Variants in CLSTN2 observed in about 807,000 individuals in gnomAD.
The protein encoded by CLSTN2 is calsyntenin-2.
A neutral mutation model predicts 101.2 loss-of-function variants in CLSTN2; 48 were observed. The ratio of observed to expected loss-of-function variants is 0.47; its 90% CI spans 0.38 to 0.60. The LOEUF (loss-of-function observed/expected upper bound fraction) is 0.60. CLSTN2 is among the 20% of genes least tolerant of loss of function. The probability of loss-of-function intolerance (pLI) is 0.00; values close to 1 mark genes in which losing one functional copy is unlikely to be tolerated. For missense variants in CLSTN2, 1,160 were observed against 1,238.2 expected (o/e 0.94, Z 0.95); for synonymous variants, 481 against 463.6 (o/e 1.04, Z -0.48).
intron 1 of CLSTN2, among the ~76,000 whole-genome samples, chr3:140,005,075 A>C (rs1013478205): frequency 1.4e-4 from 21 of 152,276 alleles, no homozygotes; most frequent in Middle Eastern, 3.4e-3. Flanking sequence ...TCTTACACCC[A>C]CTAGAGAATG....
intron 8 of CLSTN2, among the ~76,000 whole-genome samples, chr3:140,502,409 T>C (rs1332685811): frequency 6.6e-6 from 1 of 152,164 alleles, no homozygotes; most frequent in African/African-American, 2.4e-5. Context: ...CAATCAGGAA[T>C]TGAGCCCTTA....
intron 1 of CLSTN2, among the ~76,000 whole-genome samples, chr3:140,081,539 C>T (rs1012482557): frequency 6.6e-6 from 1 of 152,132 alleles, no homozygotes; most frequent in East Asian, 1.9e-4. Context: ...GAGGAAATTG[C>T]TCAGTTTCTG....
At chr3:140,287,326 A>G (rs1414111034) in intron 2 of CLSTN2, among the ~76,000 whole-genome samples, 1 of 152,222 alleles carries the variant, frequency 6.6e-6, no homozygotes, top group Non-Finnish European at 1.5e-5. Flanking sequence ...TAGAAAATGC[A>G]AACTTATCTC....
At chr3:140,483,652 G>T (rs1210069031) in intron 8 of CLSTN2, among the ~76,000 whole-genome samples, 1 of 152,068 alleles carries the variant, frequency 6.6e-6, no homozygotes, top group Non-Finnish European at 1.5e-5. Flanking sequence ...ATATATTTAG[G>T]ATAGTTAGCT....
intron 8 of CLSTN2, among the ~76,000 whole-genome samples, chr3:140,532,104 A>T (rs537716410): frequency 6.6e-6 from 1 of 152,228 alleles, no homozygotes; most frequent in South Asian, 2.1e-4. Context: ...TATCTGCCTG[A>T]TATCGGATTC....
chr3:139,939,124 A>C (rs1935080368), intron 1 of CLSTN2, among the ~76,000 whole-genome samples: 1 of 152,154 alleles, frequency 6.6e-6, no homozygotes, highest in African/African-American at 2.4e-5. Flanking sequence ...GCAGAGACAA[A>C]GTTTACAAAA....
intron 2 of CLSTN2, among the ~76,000 whole-genome samples, chr3:140,213,060 T>C (rs2010877721): frequency 2.6e-5 from 4 of 152,222 alleles, no homozygotes; most frequent in South Asian, 2.1e-4. Context: ...AATAACTTCA[T>C]AGCCATTAGC....
intron 1 of CLSTN2, among the ~76,000 whole-genome samples, chr3:139,943,516 C>G (rs1183440334): frequency 6.6e-6 from 1 of 152,210 alleles, no homozygotes; most frequent in African/African-American, 2.4e-5. Flanking sequence ...ATTTCCCTCC[C>G]TCACAGGTTA....
At chr3:140,046,656 T>C (rs889007520) in intron 1 of CLSTN2, among the ~76,000 whole-genome samples, 3 of 152,208 alleles carry the variant, frequency 2.0e-5, no homozygotes, top group Admixed American at 6.5e-5. Flanking sequence ...TGGTACCGGT[T>C]GTTCCTTTCC....
Position 140,253,763 on chromosome 3 carries a change from G to C in CLSTN2, c.232+77690G>C, listed in dbSNP as rs73870716. ...AGACAGGAACCCACCAAAGGGTTTC[G>C]GTCTTTTTTATTTTTTTTTTCTCTT... On this transcript the variant is annotated intron_variant, in intron 2 of 16. Coordinates refer to ENST00000458420, the MANE Select transcript of CLSTN2 (RefSeq NM_022131.3). Among the ~76,000 whole-genome samples, 4 of 152,096 alleles carry C rather than the reference G, an allele frequency of 2.6e-5. No individual in the cohort carries two copies. The East Asian group carries it at 5.8e-4, about 22-fold the overall frequency.
intron 2 of CLSTN2, among the ~76,000 whole-genome samples, chr3:140,210,782 TTATAGAAACC>T (rs1343001565): frequency 6.6e-6 from 1 of 151,216 alleles, no homozygotes; most frequent in Non-Finnish European, 1.5e-5. Flanking sequence ...AGGAGGGTCA[TTATAGAAACC>T]TACAGAATGA....
intron 2 of CLSTN2, among the ~76,000 whole-genome samples, chr3:140,182,621 C>T (rs1256536627): frequency 6.6e-6 from 1 of 152,232 alleles, no homozygotes; most frequent in African/African-American, 2.4e-5. Context: ...TGGTATCCCA[C>T]TCTGCTTCCC....
At chr3:139,977,241 A>C (rs1385867728) in intron 1 of CLSTN2, among the ~76,000 whole-genome samples, 1 of 152,140 alleles carries the variant, frequency 6.6e-6, no homozygotes, top group East Asian at 1.9e-4. Flanking sequence ...CTTTGGAGAC[A>C]CACAGGCAAG....
chr3:140,493,906 G>A (rs937105378), intron 8 of CLSTN2, among the ~76,000 whole-genome samples: 3 of 152,084 alleles, frequency 2.0e-5, no homozygotes, highest in Non-Finnish European at 2.9e-5. Context: ...CACGTTGAAG[G>A]GTGTTATTAG....
intron 2 of CLSTN2, among the ~76,000 whole-genome samples, chr3:140,214,313 G>A (rs1311422530): frequency 1.3e-5 from 2 of 152,048 alleles, no homozygotes; most frequent in Non-Finnish European, 2.9e-5. Context: ...GTGGTGCTGG[G>A]TGTGGTGCTG....
intron 1 of CLSTN2, among the ~76,000 whole-genome samples, chr3:140,168,380 A>G (rs192970010): frequency 1.4e-4 from 21 of 152,278 alleles, no homozygotes; most frequent in South Asian, 2.1e-4. Flanking sequence ...TGTCTTATTT[A>G]ATTGAAAGAA....
intron 2 of CLSTN2, among the ~76,000 whole-genome samples, chr3:140,254,773 A>C (rs932225771): frequency 6.6e-6 from 1 of 152,132 alleles, no homozygotes; most frequent in Non-Finnish European, 1.5e-5. Context: ...GTCCTGGAAA[A>C]ATTTTATAAT....
chr3:140,482,663 A>T (rs1252793617), intron 8 of CLSTN2, among the ~76,000 whole-genome samples: 2 of 152,180 alleles, frequency 1.3e-5, no homozygotes, highest in Non-Finnish European at 2.9e-5. Flanking sequence ...TTCCTGGTTT[A>T]GTCTTGGGAG....
intron 2 of CLSTN2, among the ~76,000 whole-genome samples, chr3:140,302,765 TAGA>T (rs1001641821): frequency 4.6e-5 from 7 of 152,166 alleles, no homozygotes; most frequent in African/African-American, 1.7e-4. Context: ...ATAGAACAGA[TAGA>T]AGAATGCTCC....
Sources: allele counts gnomAD v4.1 joint callset (sites outside exome capture counted in the v4.1 genomes callset), GRCh38; gene constraint gnomAD v4.1.1; transcripts MANE v1.5; gene names NCBI Gene and HGNC (gene_info 2026-07-23, HGNC 2026-07-21).